The following ABCB5 variants were observed in gnomAD, a reference collection of about 807,000 sequenced individuals.
ABCB5 encodes ATP-binding cassette sub-family B member 5.
ABCB5 carries 155 observed loss-of-function variants against 144.2 expected under a neutral mutation model. That is an observed-to-expected ratio of 1.08 (90% CI 0.94 to 1.23). ABCB5 has a LOEUF of 1.23. Ranked by LOEUF, ABCB5 falls within the 50% of genes most tolerant of loss-of-function variation. The pLI is 0.00. For synonymous variants in ABCB5, 610 were observed against 528.6 expected (o/e 1.15, Z -2.11); for missense variants, 1,830 against 1,520.8 (o/e 1.20, Z -3.38).
intron 4 of ABCB5, among the ~76,000 whole-genome samples, chr7:20,630,116 T>C (rs1784006856): frequency 6.6e-6 from 1 of 152,204 alleles, no homozygotes; most frequent in Admixed American, 6.5e-5. Context: ...TCCTATGCAC[T>C]GATGTAATGA....
At chr7:20,747,105 T>A (rs1012702645) in intron 26 of ABCB5, among the ~76,000 whole-genome samples, 3 of 152,208 alleles carry the variant, frequency 2.0e-5, no homozygotes, top group Non-Finnish European at 4.4e-5. Flanking sequence ...TTCACATATT[T>A]TTTATAAATA....
At chr7:20,643,398 C>T (rs748553729) in intron 6 of ABCB5, 23 bp downstream of exon 6, 22 of 1,613,214 alleles carry the variant, frequency 1.4e-5, no homozygotes, top group Admixed American at 1.2e-4. Flanking sequence ...TATTGTAGTA[C>T]GTTAGCTTTG....
intron 16 of ABCB5, among the ~76,000 whole-genome samples, chr7:20,696,754 AAC>A (rs1313447013): frequency 6.6e-6 from 1 of 152,170 alleles, no homozygotes; most frequent in African/African-American, 2.4e-5. Context: ...ATATTTAAGT[AAC>A]ACAGCCTATT....
chr7:20,674,784 A>AC (rs397835655), intron 14 of ABCB5, among the ~76,000 whole-genome samples: 36 of 150,706 alleles, frequency 2.4e-4, no homozygotes, highest in Non-Finnish European at 3.6e-4. Context: ...ACACACACAC[A>AC]AACTGTTAGA....
At chr7:20,671,043 A>T (rs1355503144) in intron 14 of ABCB5, among the ~76,000 whole-genome samples, 1 of 152,250 alleles carries the variant, frequency 6.6e-6, no homozygotes, top group African/African-American at 2.4e-5. Context: ...TAAGCATGTT[A>T]GTGCTTAGTA....
In ABCB5 at chr7:20,681,528, C is replaced by G. The variant is rs149931729; in HGVS notation, c.1731C>G (p.Ile577Met). Residue 577 changes from isoleucine to methionine, a missense_variant, in exon 15 of 28, where the codon ATC (isoleucine) becomes ATG (methionine). Coordinates refer to ENST00000404938, the MANE Select transcript of ABCB5 (RefSeq NM_001163941.2). Reference protein sequence around the residue: ...LEKASKGRTTIVVAHRLSTIR... With the variant: ...LEKASKGRTTMVVAHRLSTIR... Reference sequence around the variant, plus strand: ...AGGCGAGCAAAGGTCGGACTACAATCGTGGTAGCACACCGACTTTCTACTA... The same window carrying G: ...AGGCGAGCAAAGGTCGGACTACAATGGTGGTAGCACACCGACTTTCTACTA... 1 of 1,614,164 alleles carries G rather than the reference C, an allele frequency of 6.2e-7. No individual in the cohort carries two copies. The highest frequency in any genetic ancestry group is 2.2e-5 in the East Asian group (1 of 44,884).
At chr7:20,716,926 T>G (rs1207845430) in intron 20 of ABCB5, among the ~76,000 whole-genome samples, 1 of 152,140 alleles carries the variant, frequency 6.6e-6, no homozygotes, top group Non-Finnish European at 1.5e-5. Context: ...TTTCGCCATC[T>G]ACTCGATTCC....
At chr7:20,655,884 G>A (rs1186225412) in intron 13 of ABCB5, among the ~76,000 whole-genome samples, 1 of 152,112 alleles carries the variant, frequency 6.6e-6, no homozygotes, top group African/African-American at 2.4e-5. Flanking sequence ...AAAGCTGGAG[G>A]ACCTAAATAT....
chr7:20,741,183 G>C (rs1782551100), intron 24 of ABCB5, among the ~76,000 whole-genome samples: 5 of 151,534 alleles, frequency 3.3e-5, no homozygotes, highest in African/African-American at 7.3e-5. Context: ...AGGTATGTGG[G>C]CCATTTATTA....
chr7:20,756,465 A>C lies in ABCB5; in HGVS notation c.*841A>C, dbSNP rs1287615751. ...CGAGACCAGCCTGGCCAACATGGTG[A>C]AACCCCGTCTCTACTAAAAACACAA... On this transcript the variant is annotated 3_prime_UTR_variant, in exon 28 of 28. Transcript: ENST00000404938. 1.3e-5 allele frequency: 2 copies of C among 152,240 alleles called. No homozygotes were observed. Among genetic ancestry groups the C allele is most frequent in the African/African-American group, 4.8e-5 (2 of 41,444 alleles). 9.4% of individuals were successfully genotyped at this position (152,240 alleles called of 1,614,324 possible). A position where few individuals can be genotyped will look rare whatever the true frequency, so the allele number is the denominator to read the frequency against.
intron 19 of ABCB5, among the ~76,000 whole-genome samples, chr7:20,703,100 T>C (rs1000263626): frequency 2.6e-5 from 4 of 152,218 alleles, no homozygotes; most frequent in East Asian, 1.9e-4. Flanking sequence ...CGAGTTACTA[T>C]AGAATCAGGA....
At chr7:20,659,344 A>C in intron 14 of ABCB5, 1 of 1,328,864 alleles carries the variant, frequency 7.5e-7, no homozygotes. Flanking sequence ...GACCCCTTAC[A>C]AGGCTTAATG....
At chr7:20,717,719 G>T (rs1009578670) in intron 20 of ABCB5, among the ~76,000 whole-genome samples, 1 of 151,130 alleles carries the variant, frequency 6.6e-6, no homozygotes, top group East Asian at 2.0e-4. Context: ...TTACAGGCGC[G>T]AGCCACCGCA....
chr7:20,641,256 T>G (rs1784288620), intron 5 of ABCB5, among the ~76,000 whole-genome samples: 1 of 152,174 alleles, frequency 6.6e-6, no homozygotes, highest in Non-Finnish European at 1.5e-5. Flanking sequence ...TAAGAAGTTA[T>G]TCTTGATTTC....
chr7:20,752,188 C>G (rs1782952162), intron 26 of ABCB5, among the ~76,000 whole-genome samples: 3 of 152,204 alleles, frequency 2.0e-5, no homozygotes, highest in Admixed American at 2.0e-4. Flanking sequence ...TCTGGCTATA[C>G]CCTTGGACCA....
At chr7:20,670,311 G>T (rs1468377609) in intron 14 of ABCB5, among the ~76,000 whole-genome samples, 1 of 151,538 alleles carries the variant, frequency 6.6e-6, no homozygotes, top group Non-Finnish European at 1.5e-5. Flanking sequence ...ATGTTAGAAC[G>T]CAGGGTACAT....
chr7:20,719,097 T>C (rs1425853845), intron 20 of ABCB5, among the ~76,000 whole-genome samples: 1 of 152,206 alleles, frequency 6.6e-6, no homozygotes, highest in African/African-American at 2.4e-5. Context: ...TCTGAATGTG[T>C]ATAAGTATTT....
At position 20,643,488 on chromosome 7, in the gene ABCB5, T is replaced by G. The variant is rs1784337809; in HGVS notation, c.534T>G (p.Ile178Met). Reference protein sequence around the residue: ...TDDIDKISDGIGDKIALLFQN... With the variant: ...TDDIDKISDGMGDKIALLFQN... ...ACATTGACAAAATCAGTGATGGTAT[T>G]GGAGATAAGATTGCTCTGTTGTTTC... Residue 178 changes from isoleucine to methionine, a missense_variant, in exon 7 of 28, where the codon ATT becomes ATG. Physicochemically the swap from Ile to Met is conservative, Grantham distance 10 (BLOSUM62 1). Transcript: ENST00000404938. 1.2e-6 allele frequency: 2 copies of G among 1,613,936 alleles called. No individual in the cohort carries two copies. Among genetic ancestry groups the G allele is most frequent in the African/African-American group, 1.3e-5 (1 of 74,944 alleles).
At chr7:20,640,956 C>T (rs1784282965) in intron 5 of ABCB5, among the ~76,000 whole-genome samples, 1 of 152,220 alleles carries the variant, frequency 6.6e-6, no homozygotes, top group African/African-American at 2.4e-5. Flanking sequence ...CTCTTCTTTT[C>T]CTATACTTAA....
Sources: allele counts gnomAD v4.1 joint callset (sites outside exome capture counted in the v4.1 genomes callset), GRCh38; gene constraint gnomAD v4.1.1; transcripts MANE v1.5; gene names NCBI Gene and HGNC (gene_info 2026-07-23, HGNC 2026-07-21).